Variants in ADD2 observed in about 807,000 individuals in gnomAD.
The protein encoded by ADD2 is beta-adducin.
ADD2 carries 23 observed loss-of-function variants against 83.0 expected under a neutral mutation model. That is an observed-to-expected ratio of 0.28 (90% CI 0.20 to 0.39). The LOEUF (loss-of-function observed/expected upper bound fraction) is 0.39, where lower values mean the gene tolerates loss of function less well. Among genes scored for constraint, ADD2 ranks in the 10% least tolerant of loss-of-function variants. The pLI, the probability that ADD2 is intolerant of heterozygous loss-of-function variation, is 1.00. For missense variants in ADD2, 758 were observed against 944.9 expected, an observed-to-expected ratio of 0.80 and a Z score of 2.59; for synonymous variants, 375 against 375.4, an observed-to-expected ratio of 1.00 and a Z score of 0.01.
At chr2:70,691,585 A>T (rs868976625) in intron 7 of ADD2, 31 of 151,832 alleles carry the variant, frequency 2.0e-4, no homozygotes, top group African/African-American at 7.0e-4. Flanking sequence ...AGTGTGCAAT[A>T]ATTTATTTAT....
chr2:70,726,117 G>A (rs1041156851), intron 1 of ADD2, among the ~76,000 whole-genome samples: 2 of 147,242 alleles, frequency 1.4e-5, no homozygotes, highest in Non-Finnish European at 3.0e-5. Context: ...AACCCAGGAG[G>A]CGGAGCTTGC....
intron 3 of ADD2, among the ~76,000 whole-genome samples, chr2:70,705,335 G>T (rs3771455): frequency 0.3 from 45,333 of 151,980 alleles, 7,035 homozygotes; most frequent in East Asian, 0.44. Context: ...ATGCACCATG[G>T]CTCCCAGCCA....
At chr2:70,715,960 G>A (rs1213538995) in intron 1 of ADD2, among the ~76,000 whole-genome samples, 2 of 151,990 alleles carry the variant, frequency 1.3e-5, no homozygotes, top group Non-Finnish European at 1.5e-5. Context: ...GTCCTTCCTG[G>A]CCCATGCCTG....
At chr2:70,759,050 G>A (rs1210473105) in intron 1 of ADD2, among the ~76,000 whole-genome samples, 3 of 152,194 alleles carry the variant, frequency 2.0e-5, no homozygotes, top group Non-Finnish European at 2.9e-5. Flanking sequence ...GGTGAAGGAT[G>A]TCAAATGGTC....
chr2:70,677,711 C>T (rs377431981), intron 12 of ADD2, 47 bp downstream of exon 12: 281 of 1,599,470 alleles, frequency 1.8e-4, no homozygotes, highest in Non-Finnish European at 2.2e-4. Flanking sequence ...GACCTGAGAC[C>T]CCCCAGTGTG....
At chr2:70,748,905 C>T (rs1674371585) in intron 1 of ADD2, among the ~76,000 whole-genome samples, 1 of 152,146 alleles carries the variant, frequency 6.6e-6, no homozygotes, top group African/African-American at 2.4e-5. Flanking sequence ...CAGCATTGAG[C>T]TATATAAGTA....
chr2:70,664,738 AGTGTGTGTGTGGGT>A (rs1323620091), intron 15 of ADD2, among the ~76,000 whole-genome samples: 9 of 148,238 alleles, frequency 6.1e-5, no homozygotes, highest in African/African-American at 2.2e-4. Context: ...TGAGTGTGCA[AGTGTGTGTGTGGGT>A]GTGTGAGGGT....
At chr2:70,724,700 C>T (rs1672897229) in intron 1 of ADD2, among the ~76,000 whole-genome samples, 1 of 152,226 alleles carries the variant, frequency 6.6e-6, no homozygotes, top group South Asian at 2.1e-4. Context: ...TTGCTGCTGG[C>T]CACGGCTGTG....
chr2:70,736,279 C>T (rs1673555027), intron 1 of ADD2, among the ~76,000 whole-genome samples: 1 of 152,176 alleles, frequency 6.6e-6, no homozygotes, highest in African/African-American at 2.4e-5. Context: ...GGATTAAGGG[C>T]TGAGCCAGCT....
chr2:70,686,761 C>T (rs550259895), intron 9 of ADD2, among the ~76,000 whole-genome samples: 1 of 152,172 alleles, frequency 6.6e-6, no homozygotes, highest in Non-Finnish European at 1.5e-5. Context: ...GGAGGCGCTA[C>T]ATCACATCAG....
At position 70,658,487 on chromosome 2, in the gene ADD2, C is replaced by T. The variant is rs937297668; in HGVS notation, c.*4938G>A. On this transcript the variant is annotated 3_prime_UTR_variant, in exon 16 of 16. Transcript: ENST00000264436. ...GTCACTACAGGCCTCTTACTTCTTGCATTAAACTATCCCTTTCAGAACAGA... is the reference window on the plus strand; with the variant it reads ...GTCACTACAGGCCTCTTACTTCTTGTATTAAACTATCCCTTTCAGAACAGA... 6.6e-6 allele frequency: 1 copy of T among 152,196 alleles called. No homozygotes were observed. 9.4% of individuals were successfully genotyped at this position (152,196 alleles called of 1,614,324 possible). A position where few individuals can be genotyped will look rare whatever the true frequency, so the allele number is the denominator to read the frequency against.
intron 4 of ADD2, 58 bp downstream of exon 4, chr2:70,704,263 T>TGCGCCCCCCCCCCCCCCCCCCCCCCC: frequency 1.1e-6 from 1 of 913,238 alleles, no homozygotes; most frequent in Non-Finnish European, 1.7e-6. Flanking sequence ...CTCCCTCTCT[T>TGCGCCCCCCCCCCCCCCCCCCCCCCC]CCCCACCCCA....
chr2:70,716,944 GAC>G (rs1470195886), intron 1 of ADD2, among the ~76,000 whole-genome samples: 1 of 152,234 alleles, frequency 6.6e-6, no homozygotes, highest in East Asian at 1.9e-4. Context: ...ATTATGGGGA[GAC>G]AGAGAGGAAG....
At chr2:70,682,137 T>C (rs1670485414) in intron 10 of ADD2, among the ~76,000 whole-genome samples, 1 of 152,230 alleles carries the variant, frequency 6.6e-6, no homozygotes, top group Non-Finnish European at 1.5e-5. Flanking sequence ...TTATTGTATA[T>C]TATTATTTTA....
intron 2 of ADD2, among the ~76,000 whole-genome samples, chr2:70,709,193 T>C (rs1672051702): frequency 6.6e-6 from 1 of 152,146 alleles, no homozygotes; most frequent in Non-Finnish European, 1.5e-5. Flanking sequence ...TTAGTCATCT[T>C]CTTATGAAAG....
At chr2:70,750,811 C>T (rs1371889652) in intron 1 of ADD2, among the ~76,000 whole-genome samples, 2 of 152,164 alleles carry the variant, frequency 1.3e-5, no homozygotes, top group Non-Finnish European at 2.9e-5. Flanking sequence ...TTAATATACT[C>T]TGTAGCATTA....
At chr2:70,688,208 A>G in intron 8 of ADD2, 86 bp from the exon 9 acceptor site, 1 of 1,082,258 alleles carries the variant, frequency 9.2e-7, no homozygotes, top group Non-Finnish European at 1.4e-6. Context: ...ATTTAGATCA[A>G]CTTCCACAAC....
rs1033685280 is a variant in ADD2, at chr2:70,760,251, C to T, written c.-154+7635G>A. On this transcript the variant is annotated intron_variant, in intron 1 of 15. Transcript: ENST00000264436. Reference sequence around the variant, plus strand: ...AACCCTGAACCTGCAACTCAGATCTCGGGTCCCAGCCATGACACATGCATA... The same window carrying T: ...AACCCTGAACCTGCAACTCAGATCTTGGGTCCCAGCCATGACACATGCATA... Among the ~76,000 whole-genome samples the T allele has an allele frequency of 1.7e-4, 26 of 152,264 alleles. 1 individual carries two copies. Among genetic ancestry groups the T allele is most frequent in the Admixed American group, 1.6e-3 (25 of 15,292 alleles).
intron 4 of ADD2, 135 bp downstream of exon 4, chr2:70,704,186 C>A: frequency 8.3e-7 from 1 of 1,206,584 alleles, no homozygotes; most frequent in African/African-American, 1.5e-5. Context: ...TGCTGAGCTC[C>A]CCAAGGCCTG....
Sources: allele counts gnomAD v4.1 joint callset (sites outside exome capture counted in the v4.1 genomes callset), GRCh38; gene constraint gnomAD v4.1.1; transcripts MANE v1.5; gene names NCBI Gene and HGNC (gene_info 2026-07-23, HGNC 2026-07-21).